The following NYAP2 variants were observed in gnomAD, a reference collection of about 807,000 sequenced individuals.
NYAP2 encodes neuronal tyrosine-phosphorylated phosphoinositide-3-kinase adaptor 2.
NYAP2 carries 23 observed loss-of-function variants against 50.4 expected under a neutral mutation model. The observed-to-expected ratio is 0.46, with a 90% CI of 0.33 to 0.65. The LOEUF is 0.65. NYAP2 is among the 30% of genes least tolerant of loss of function. The pLI is 0.02. For missense variants in NYAP2, 885 were observed against 861.0 expected (o/e 1.03, Z -0.35); for synonymous variants, 394 against 365.2 (o/e 1.08, Z -0.90).
chr2:225,521,456 C>A (rs1358161574), intron 4 of NYAP2, among the ~76,000 whole-genome samples: 1 of 151,808 alleles, frequency 6.6e-6, no homozygotes, highest in South Asian at 2.1e-4. Flanking sequence ...CCATCAATAC[C>A]TAATTTATTG....
At chr2:225,702,731 T>C in the NYAP2 span, 1 of 151,742 alleles carries the variant, frequency 6.6e-6, no homozygotes, top group African/African-American at 2.4e-5. Flanking sequence ...GTCAATTACA[T>C]TGCAGCAAAA....
Position 225,582,739 on chromosome 2 carries a change from G to A in NYAP2, c.1322G>A (p.Ser441Asn). The change falls in exon 5 of 7, where the codon AGC (serine) becomes AAC (asparagine). Residue 441 changes from serine (S) to asparagine (N), a missense_variant. Ser to Asn is a conservative substitution (Grantham distance 46). Coordinates refer to ENST00000636099, the Ensembl canonical transcript of NYAP2. This position sits in a 1 kb window ranked among gnomAD's most constrained non-coding sequence, Gnocchi z 7.0. ...CACTCCACCTCTCCCTCCCCCGTCA[G>A]CATGGGGAGGTCCCTGACTCCCCTG... The A allele has an allele frequency of 6.2e-7, 1 of 1,612,884 alleles. No individual in the cohort carries two copies. Among genetic ancestry groups the A allele is most frequent in the Non-Finnish European group, 8.5e-7 (1 of 1,179,304 alleles).
intron 4 of NYAP2, among the ~76,000 whole-genome samples, chr2:225,575,925 A>C (rs759416084): frequency 4.6e-5 from 7 of 152,174 alleles, no homozygotes; most frequent in Non-Finnish European, 7.3e-5. Context: ...TTTGCCATGA[A>C]AGGTACTTAT....
chr2:225,536,432 C>T (rs1362460541), intron 4 of NYAP2, among the ~76,000 whole-genome samples: 1 of 152,188 alleles, frequency 6.6e-6, no homozygotes, highest in African/African-American at 2.4e-5. Flanking sequence ...CTAGGCATTG[C>T]TAGTGGCCAC....
At chr2:225,605,785 C>T (rs993551240) in intron 5 of NYAP2, among the ~76,000 whole-genome samples, 1 of 151,988 alleles carries the variant, frequency 6.6e-6, no homozygotes, top group Admixed American at 6.6e-5. Context: ...AATAGATTAG[C>T]TCCTATTTAT....
intron 3 of NYAP2, among the ~76,000 whole-genome samples, chr2:225,489,787 G>A (rs778493022): frequency 1.5e-4 from 23 of 152,150 alleles, no homozygotes; most frequent in Admixed American, 7.2e-4. Flanking sequence ...TAAGGCCCTT[G>A]AGAATTGTCT....
intron 5 of NYAP2, among the ~76,000 whole-genome samples, chr2:225,591,296 C>G (rs1399682003): frequency 6.6e-6 from 1 of 152,112 alleles, no homozygotes. Context: ...ATCTGGGGCT[C>G]TAGCGTTGAT....
At chr2:225,521,516 C>A (rs1406728720) in intron 4 of NYAP2, among the ~76,000 whole-genome samples, 3 of 152,096 alleles carry the variant, frequency 2.0e-5, no homozygotes, top group African/African-American at 7.2e-5. Flanking sequence ...GCCTTTTCTG[C>A]ATCTATTGAG....
intron 3 of NYAP2, among the ~76,000 whole-genome samples, chr2:225,489,118 G>A (rs994094022): frequency 6.6e-5 from 10 of 152,042 alleles, no homozygotes; most frequent in African/African-American, 1.7e-4. Flanking sequence ...AGTCTGCATC[G>A]TACTTATATT....
At chr2:225,614,144 C>A (rs1157059038) in intron 5 of NYAP2, among the ~76,000 whole-genome samples, 1 of 152,140 alleles carries the variant, frequency 6.6e-6, no homozygotes, top group Non-Finnish European at 1.5e-5. Flanking sequence ...TGAGAATGAA[C>A]TACAGATCAT....
the NYAP2 span, among the ~76,000 whole-genome samples, chr2:225,668,090 C>T: frequency 6.6e-6 from 1 of 152,282 alleles, no homozygotes; most frequent in East Asian, 1.9e-4. Context: ...AAGGATACGA[C>T]ATTACATATA....
chr2:225,432,691 T>C (rs1426097514), intron 3 of NYAP2, among the ~76,000 whole-genome samples: 1 of 152,166 alleles, frequency 6.6e-6, no homozygotes, highest in Admixed American at 6.5e-5. Context: ...TAACCTTGAC[T>C]TAAGTAAAGT....
Position 225,479,947 on chromosome 2 carries a change from G to A in NYAP2, c.222-33424G>A, listed in dbSNP as rs548418057. Among the ~76,000 whole-genome samples the A allele has an allele frequency of 4.1e-4, 63 of 152,018 alleles. No homozygotes were observed. The South Asian group carries it at 0.012, about 29-fold the overall frequency. ...CTTCAATTTTCAAACAATCCCAAAG[G>A]TGAATATATATTAAGAAATTCTTCT... On this transcript the variant is annotated intron_variant, in intron 3 of 6. Coordinates refer to ENST00000636099, the Ensembl canonical transcript of NYAP2.
chr2:225,655,888 ACACAC>A (rs1559242652), downstream of NYAP2, among the ~76,000 whole-genome samples: 211 of 74,164 alleles, frequency 2.8e-3, 2 homozygotes, highest in African/African-American at 0.013. Flanking sequence ...CCTCCACTAC[ACACAC>A]ACACACACAC....
intron 4 of NYAP2, among the ~76,000 whole-genome samples, chr2:225,566,553 C>T (rs1691966707): frequency 6.6e-6 from 1 of 152,200 alleles, no homozygotes; most frequent in South Asian, 2.1e-4. Flanking sequence ...ATTAATTGTG[C>T]TTTTATTGGG....
chr2:225,463,013 A>G (rs1173411246), intron 3 of NYAP2, among the ~76,000 whole-genome samples: 1 of 152,264 alleles, frequency 6.6e-6, no homozygotes. Context: ...ATCATGAAGC[A>G]GGTTAGATAA....
chr2:225,534,429 C>T (rs756383013), intron 4 of NYAP2, among the ~76,000 whole-genome samples: 4 of 152,160 alleles, frequency 2.6e-5, no homozygotes, highest in East Asian at 1.9e-4. Context: ...TTCTACAAGT[C>T]GCAGATATAT....
At chr2:225,514,460 C>T (rs945903186) in intron 4 of NYAP2, among the ~76,000 whole-genome samples, 3 of 152,186 alleles carry the variant, frequency 2.0e-5, no homozygotes, top group African/African-American at 7.2e-5. Flanking sequence ...ATTTATTTCT[C>T]ACAGTTCTGG....
upstream of NYAP2, among the ~76,000 whole-genome samples, chr2:225,398,200 G>A (rs1470861282): frequency 6.6e-6 from 1 of 151,932 alleles, no homozygotes; most frequent in Non-Finnish European, 1.5e-5. Flanking sequence ...CAAAGATGAG[G>A]AGACCTGCAG....
Sources: gnomAD v4.1 joint callset for allele counts (sites outside exome capture counted in the v4.1 genomes callset) on GRCh38, gnomAD v4.1.1 for gene constraint, Gnocchi (gnomAD v3.1) non-coding constraint, MANE v1.5 for transcripts, NCBI Gene and HGNC (gene_info 2026-07-23, HGNC 2026-07-21) for gene names.